AFF3: variants seen among roughly 807,000 people sequenced by gnomAD.
The protein encoded by AFF3 is AF4/FMR2 family member 3.
A neutral mutation model predicts 129.7 loss-of-function variants in AFF3; 32 were observed. The observed-to-expected ratio is 0.25, with a 90% CI of 0.19 to 0.33. The LOEUF (loss-of-function observed/expected upper bound fraction) is 0.33. Among genes scored for constraint, AFF3 ranks in the 10% least tolerant of loss-of-function variants. AFF3 has a pLI of 1.00. For synonymous variants in AFF3, 644 were observed against 635.4 expected (o/e 1.01, Z -0.20); for missense variants, 1,373 against 1,592.0 (o/e 0.86, Z 2.34).
intron 8 of AFF3, among the ~76,000 whole-genome samples, chr2:99,787,251 C>T (rs909932321): frequency 6.6e-6 from 1 of 152,072 alleles, no homozygotes; most frequent in African/African-American, 2.4e-5. Context: ...GCAAACCACC[C>T]GCAAACTCGA....
intron 1 of AFF3, among the ~76,000 whole-genome samples, chr2:100,129,596 G>A (rs1025723347): frequency 6.6e-6 from 1 of 152,116 alleles, no homozygotes; most frequent in African/African-American, 2.4e-5. Flanking sequence ...CCACCAGCCT[G>A]AGGAATTAAC....
chr2:99,870,927 A>G (rs1437247206), intron 7 of AFF3, among the ~76,000 whole-genome samples: 4 of 152,230 alleles, frequency 2.6e-5, no homozygotes, highest in African/African-American at 9.6e-5. Flanking sequence ...CTCCTATAAA[A>G]TAGGCAATAT....
chr2:99,686,266 T>C (rs1675049795), intron 11 of AFF3, among the ~76,000 whole-genome samples: 1 of 152,132 alleles, frequency 6.6e-6, no homozygotes, highest in Non-Finnish European at 1.5e-5. Flanking sequence ...AGAGTCCTGA[T>C]CCACAGTTTC....
At chr2:99,745,901 A>G (rs527880313) in intron 9 of AFF3, among the ~76,000 whole-genome samples, 13 of 152,194 alleles carry the variant, frequency 8.5e-5, no homozygotes, top group Non-Finnish European at 1.9e-4. Context: ...ATATGTTCTT[A>G]TAAGTGGGAG....
At position 99,955,503 on chromosome 2, in the gene AFF3, CA is replaced by C. The variant is rs532980197; in HGVS notation, c.873+51128del. Among the ~76,000 whole-genome samples the C allele has an allele frequency of 7.8e-3, 1,190 of 151,820 alleles. 22 individuals carry two copies. Among genetic ancestry groups the C allele is most frequent in the African/African-American group, 0.027 (1,121 of 41,412 alleles). ...TAAATTTAAATATGTGTGTTATATA[CA>C]AAAAAAAGATGAATTTTAAGATGCT... is the stretch of plus-strand genomic sequence containing the variant. On this transcript the variant is annotated intron_variant, in intron 7 of 24. Coordinates refer to ENST00000672756, the MANE Select transcript of AFF3 (RefSeq NM_001386135.1).
At chr2:100,095,727 T>C (rs1016482705) in intron 4 of AFF3, among the ~76,000 whole-genome samples, 1 of 152,226 alleles carries the variant, frequency 6.6e-6, no homozygotes, top group Non-Finnish European at 1.5e-5. Flanking sequence ...ATAAAGTCAA[T>C]AAACTTCCTG....
At chr2:99,876,273 T>C (rs1692289734) in intron 7 of AFF3, among the ~76,000 whole-genome samples, 1 of 152,196 alleles carries the variant, frequency 6.6e-6, no homozygotes, top group African/African-American at 2.4e-5. Flanking sequence ...TCCAACCGCC[T>C]AGCTGATACA....
chr2:99,858,821 T>C (rs1309807757), intron 7 of AFF3, among the ~76,000 whole-genome samples: 1 of 152,132 alleles, frequency 6.6e-6, no homozygotes, highest in Non-Finnish European at 1.5e-5. Flanking sequence ...ACCTGGTTGA[T>C]GAAATAAACT....
chr2:100,023,004 C>T (rs1450504949), intron 4 of AFF3, among the ~76,000 whole-genome samples: 1 of 152,214 alleles, frequency 6.6e-6, no homozygotes, highest in Non-Finnish European at 1.5e-5. Flanking sequence ...GCCGAGTTAG[C>T]AGGCCTCCAT....
intron 11 of AFF3, among the ~76,000 whole-genome samples, chr2:99,684,587 C>T (rs1395450684): frequency 6.6e-6 from 1 of 151,864 alleles, no homozygotes; most frequent in Admixed American, 6.6e-5. Context: ...GTAGATGATC[C>T]TCACACTAAG....
At chr2:99,993,881 T>C (rs1366262526) in intron 7 of AFF3, among the ~76,000 whole-genome samples, 3 of 141,296 alleles carry the variant, frequency 2.1e-5, no homozygotes, top group Admixed American at 7.3e-5. Flanking sequence ...TCTCGGCTCA[T>C]TGCAACCTCC....
rs113096212 is a variant in AFF3 at position 99,565,267 on chromosome 2, A to G, written c.3119+220T>C. 7.2e-3 allele frequency among the ~76,000 whole-genome samples: 1,098 copies of G among 152,108 alleles called. 10 individuals carry two copies. The highest frequency in any genetic ancestry group is 0.025 in the African/African-American group (1,031 of 41,476). On this transcript the variant is annotated intron_variant, in intron 20 of 24. Transcript: ENST00000672756. ...CCACTCAGACTCAGCCTCCTCCCTC[A>G]GCAATTGGGGGCTACAGCAGCTGCC...
At chr2:100,051,094 T>A (rs374240900) in intron 4 of AFF3, among the ~76,000 whole-genome samples, 1 of 152,152 alleles carries the variant, frequency 6.6e-6, no homozygotes, top group African/African-American at 2.4e-5. Context: ...AGTCCTGATT[T>A]CTCCCCACGG....
intron 7 of AFF3, among the ~76,000 whole-genome samples, chr2:99,974,405 A>C (rs1237967690): frequency 6.6e-6 from 1 of 152,212 alleles, no homozygotes; most frequent in East Asian, 1.9e-4. Flanking sequence ...CACAAAAGTG[A>C]GCACAGTGTT....
At chr2:99,583,861 T>C (rs1575425542) in intron 16 of AFF3, among the ~76,000 whole-genome samples, 1 of 151,690 alleles carries the variant, frequency 6.6e-6, no homozygotes, top group South Asian at 2.1e-4. Flanking sequence ...TGCCACCACA[T>C]CCAGCTACTT....
At chr2:99,735,734 C>T (rs1680201222) in intron 10 of AFF3, among the ~76,000 whole-genome samples, 1 of 152,172 alleles carries the variant, frequency 6.6e-6, no homozygotes, top group African/African-American at 2.4e-5. Context: ...CTCAATGGAT[C>T]CGCCCACCTC....
At chr2:99,594,972 T>C (rs1386996372) in intron 14 of AFF3, among the ~76,000 whole-genome samples, 1 of 152,258 alleles carries the variant, frequency 6.6e-6, no homozygotes, top group Non-Finnish European at 1.5e-5. Flanking sequence ...TGGAACACTT[T>C]CCTGCAAGCA....
rs778701803 is a variant in AFF3 at position 99,582,948 on chromosome 2, T to C, written c.2643A>G (p.Ser881=). Residue 881 remains serine (S), a synonymous_variant, in exon 17 of 25, where the codon TCA becomes TCG. Coordinates refer to ENST00000672756, the MANE Select transcript of AFF3 (RefSeq NM_001386135.1). ...KNEKMLRSPI[S]PLSDASKHKY... ...TGTGTTTAGATGCATCAGAGAGGGG[T>C]GAGATGGGCGACCGAAGCATTTTTT... The C allele has an allele frequency of 1.7e-5, 27 of 1,613,968 alleles. No homozygotes were observed. In the South Asian group the frequency reaches 3.0e-4, roughly 18 times the overall value.
At chr2:99,639,047 C>T (rs1683941174) in intron 13 of AFF3, among the ~76,000 whole-genome samples, 1 of 152,118 alleles carries the variant, frequency 6.6e-6, no homozygotes, top group Non-Finnish European at 1.5e-5. Flanking sequence ...CATCAGGCAG[C>T]GAGTCTGTAT....
Sources: gnomAD v4.1 joint callset for allele counts (sites outside exome capture counted in the v4.1 genomes callset) on GRCh38, gnomAD v4.1.1 for gene constraint, MANE v1.5 for transcripts, NCBI Gene and HGNC (gene_info 2026-07-23, HGNC 2026-07-21) for gene names.